Variants in FAT3 observed in about 807,000 individuals in gnomAD.
FAT3 encodes protocadherin Fat 3.
Under a neutral mutation model 310.2 loss-of-function variants are expected in FAT3, and 95 were observed. The ratio of observed to expected loss-of-function variants is 0.31; its 90% CI spans 0.26 to 0.36. FAT3 has a LOEUF of 0.36. FAT3 is among the 10% of genes least tolerant of loss of function. The pLI is 1.00. For synonymous variants in FAT3, 2,314 were observed against 2,192.9 expected (o/e 1.06, Z -1.54); for missense variants, 5,408 against 5,715.6 (o/e 0.95, Z 1.74).
Position 92,844,347 on chromosome 11 carries a change from C to T in FAT3, c.10980C>T (p.Asp3660=). 6.2e-7 allele frequency: 1 copy of T among 1,613,964 alleles called. No homozygotes were observed. ...GCTTTGAAAATGTGTCCCCTGAGGA[C>T]TTCGTGGGGCTGCACATGCATGGGT... ...TIRFENVSPE[D]FVGLHMHGFR... Residue 3660 remains aspartate, a synonymous_variant, in exon 19 of 28, where the codon GAC becomes GAT. Coordinates refer to ENST00000525166, the MANE Select transcript of FAT3 (RefSeq NM_001367949.2).
chr11:92,693,683 T>C (rs773789776), intron 3 of FAT3, among the ~76,000 whole-genome samples: 3 of 152,160 alleles, frequency 2.0e-5, no homozygotes, highest in Non-Finnish European at 4.4e-5. Flanking sequence ...CGTAAGTAGG[T>C]ACTTTGAGCA....
chr11:92,806,631 G>GA, intron 12 of FAT3, 116 bp downstream of exon 12: 1 of 861,984 alleles, frequency 1.2e-6, no homozygotes, highest in Non-Finnish European at 1.7e-6. Flanking sequence ...TATAGGGATG[G>GA]AGGGAAATTT....
intron 3 of FAT3, among the ~76,000 whole-genome samples, chr11:92,660,423 G>A (rs112102621): frequency 6.6e-6 from 1 of 152,164 alleles, no homozygotes; most frequent in South Asian, 2.1e-4. Context: ...CTGGGGTAGG[G>A]GTGCCAGGGA....
chr11:92,270,853 A>G (rs886468283), intron 1 of FAT3, among the ~76,000 whole-genome samples: 1 of 151,894 alleles, frequency 6.6e-6, no homozygotes, highest in Non-Finnish European at 1.5e-5. Context: ...AGTCTTTCCA[A>G]TCTCCATAAA....
intron 4 of FAT3, among the ~76,000 whole-genome samples, chr11:92,754,991 T>A (rs1472934164): frequency 6.6e-6 from 1 of 152,116 alleles, no homozygotes; most frequent in African/African-American, 2.4e-5. Flanking sequence ...CTCACAAATA[T>A]GTGGAATGTA....
intron 3 of FAT3, among the ~76,000 whole-genome samples, chr11:92,599,594 C>A (rs560420123): frequency 6.6e-6 from 1 of 152,174 alleles, no homozygotes; most frequent in South Asian, 2.1e-4. Flanking sequence ...GCACCAACCC[C>A]CATCATTATC....
At chr11:92,425,336 C>T (rs1158236749) in intron 2 of FAT3, among the ~76,000 whole-genome samples, 4 of 151,936 alleles carry the variant, frequency 2.6e-5, no homozygotes, top group Non-Finnish European at 4.4e-5. Flanking sequence ...AAGATCTTCA[C>T]GGAAGGCTGA....
intron 3 of FAT3, among the ~76,000 whole-genome samples, chr11:92,554,228 C>T (rs746736189): frequency 2.8e-4 from 42 of 151,068 alleles, no homozygotes; most frequent in Admixed American, 7.2e-4. Context: ...TGTGGGAGGC[C>T]GAGGCGGGCA....
At chr11:92,435,370 C>G (rs1401187160) in intron 2 of FAT3, among the ~76,000 whole-genome samples, 1 of 152,134 alleles carries the variant, frequency 6.6e-6, no homozygotes, top group African/African-American at 2.4e-5. Context: ...GTTAGAATAA[C>G]AAGACACAGC....
rs764277898 is a variant in FAT3, at chr11:92,799,976, G to C, written c.6963G>C (p.Met2321Ile). ...SIDADSENNK[M>I]VHYQIVQDTY... ...ATGCAGACTCAGAAAACAATAAAAT[G>C]GTACATTATCAGATTGTCCAGGATA... The change falls in exon 10 of 28, where the codon ATG becomes ATC. Residue 2321 changes from methionine to isoleucine, a missense_variant. Met to Ile is a conservative substitution (Grantham distance 10). This residue lies in a region of FAT3 where 4,588 missense variants were observed against 4,809.8 expected (regional missense o/e 0.95). Transcript: ENST00000525166. The C allele has an allele frequency of 3.1e-6, 5 of 1,613,354 alleles. No homozygotes were observed. Among genetic ancestry groups the C allele is most frequent in the Non-Finnish European group, 4.2e-6 (5 of 1,179,642 alleles).
chr11:92,552,254 C>T (rs1954846245), intron 3 of FAT3, among the ~76,000 whole-genome samples: 1 of 152,106 alleles, frequency 6.6e-6, no homozygotes, highest in Non-Finnish European at 1.5e-5. Flanking sequence ...GGACAAGTCA[C>T]TTAAAGAGAC....
At chr11:92,452,626 A>G (rs1038669865) in intron 2 of FAT3, among the ~76,000 whole-genome samples, 2 of 152,194 alleles carry the variant, frequency 1.3e-5, no homozygotes, top group Admixed American at 1.3e-4. Context: ...GTGACCTTAT[A>G]TACCGTGATT....
intron 2 of FAT3, among the ~76,000 whole-genome samples, chr11:92,365,697 T>C (rs898424959): frequency 6.6e-6 from 1 of 152,212 alleles, no homozygotes; most frequent in East Asian, 1.9e-4. Flanking sequence ...CAGAAGTCAG[T>C]CAGTGAAAGA....
rs191352062 is a variant in FAT3 at position 92,269,498 on chromosome 11, C to A, written c.-18+44324C>A. 3.9e-5 allele frequency among the ~76,000 whole-genome samples: 6 copies of A among 152,222 alleles called. No homozygotes were observed. The East Asian group carries it at 1.2e-3, about 29-fold the overall frequency. On this transcript the variant is annotated intron_variant, in intron 1 of 27. Coordinates refer to ENST00000525166, the MANE Select transcript of FAT3 (RefSeq NM_001367949.2). Reference sequence around the variant, plus strand: ...GTGAAGCTGGGACATATACTTTGAACAAGCAGAACTTTTTTGCTTTTCAAC... The same window carrying A: ...GTGAAGCTGGGACATATACTTTGAAAAAGCAGAACTTTTTTGCTTTTCAAC...
chr11:92,727,916 A>T (rs1470092281), intron 4 of FAT3, among the ~76,000 whole-genome samples: 1 of 151,986 alleles, frequency 6.6e-6, no homozygotes, highest in Non-Finnish European at 1.5e-5. Context: ...GCTGCTTTTT[A>T]TTTTTATTCT....
At chr11:92,477,605 T>C (rs968276483) in intron 2 of FAT3, among the ~76,000 whole-genome samples, 8 of 152,212 alleles carry the variant, frequency 5.3e-5, no homozygotes, top group African/African-American at 1.9e-4. Context: ...TGTTTGCTAG[T>C]GTACTTATTT....
rs569206373 is a variant in FAT3 at position 92,294,891 on chromosome 11, ACAT to A, written c.-17-57201_-17-57199del. Among the ~76,000 whole-genome samples, 454 of 152,226 alleles carry A rather than the reference ACAT, an allele frequency of 3.0e-3. 2 individuals are homozygous for A. Among genetic ancestry groups the A allele is most frequent in the African/African-American group, 0.01 (425 of 41,570 alleles). ...TCTTTCAAGTCTTGTGTTTTTAAAG[ACAT>A]CATTGAAAGATTTAGTAGTGCTTGT... On this transcript the variant is annotated intron_variant, in intron 1 of 27. Coordinates refer to ENST00000525166, the MANE Select transcript of FAT3 (RefSeq NM_001367949.2).
At chr11:92,511,808 C>T (rs1457964123) in intron 2 of FAT3, among the ~76,000 whole-genome samples, 1 of 152,152 alleles carries the variant, frequency 6.6e-6, no homozygotes, top group Non-Finnish European at 1.5e-5. Context: ...CTCCAATTTG[C>T]CTGGTTCCAG....
intron 1 of FAT3, among the ~76,000 whole-genome samples, chr11:92,313,014 C>T (rs1947350590): frequency 6.6e-6 from 1 of 152,172 alleles, no homozygotes; most frequent in Admixed American, 6.5e-5. Flanking sequence ...TCTTTAAGTA[C>T]TTCCCAGCTT....
Sources: gnomAD v4.1 joint callset for allele counts (sites outside exome capture counted in the v4.1 genomes callset) on GRCh38, gnomAD v4.1.1 for gene constraint, gnomAD v4.1.1 regional missense constraint, MANE v1.5 for transcripts, NCBI Gene and HGNC (gene_info 2026-07-23, HGNC 2026-07-21) for gene names.